KCNN2: variants seen among roughly 807,000 people sequenced by gnomAD.
KCNN2 encodes potassium calcium-activated channel subfamily N member 2, also known as small conductance calcium-activated potassium channel protein 2.
A neutral mutation model predicts 55.5 loss-of-function variants in KCNN2; 24 were observed. That is an observed-to-expected ratio of 0.43 (90% CI 0.31 to 0.61). KCNN2 has a LOEUF of 0.61. KCNN2 is among the 20% of genes least tolerant of loss of function. KCNN2 has a pLI of 0.08. For synonymous variants in KCNN2, 431 were observed against 336.1 expected, an observed-to-expected ratio of 1.28 and a Z score of -3.09; for missense variants, 754 against 853.6, an observed-to-expected ratio of 0.88 and a Z score of 1.45.
intron 1 of KCNN2, among the ~76,000 whole-genome samples, chr5:114,136,637 T>C (rs955965740): frequency 6.6e-6 from 1 of 152,162 alleles, no homozygotes; most frequent in Non-Finnish European, 1.5e-5. Flanking sequence ...ACTCTGTATA[T>C]CATTAATTTA....
chr5:114,243,244 C>G (rs559201065), intron 2 of KCNN2, among the ~76,000 whole-genome samples: 3 of 152,232 alleles, frequency 2.0e-5, no homozygotes, highest in Admixed American at 1.3e-4. Flanking sequence ...GACATTTGAT[C>G]TCAACTAACC....
At chr5:114,252,242 C>T (rs1369189369) in intron 2 of KCNN2, among the ~76,000 whole-genome samples, 1 of 127,116 alleles carries the variant, frequency 7.9e-6, no homozygotes. Flanking sequence ...ATCTTTCTGC[C>T]CTATGTACTT....
chr5:114,341,280 G>C (rs1757010471), intron 2 of KCNN2, among the ~76,000 whole-genome samples: 1 of 152,268 alleles, frequency 6.6e-6, no homozygotes, highest in East Asian at 1.9e-4. Flanking sequence ...TGTAAAGAAG[G>C]GAAATTGGTA....
intron 2 of KCNN2, among the ~76,000 whole-genome samples, chr5:114,311,817 G>A (rs1756395281): frequency 6.6e-6 from 1 of 152,088 alleles, no homozygotes; most frequent in African/African-American, 2.4e-5. Context: ...TTCTGTATTT[G>A]AAAGATTGGA....
At chr5:114,406,934 G>T (rs1252367856) in intron 3 of KCNN2, among the ~76,000 whole-genome samples, 1 of 152,078 alleles carries the variant, frequency 6.6e-6, no homozygotes, top group African/African-American at 2.4e-5. Context: ...TAATCAGCTG[G>T]ATATAAAACT....
chr5:114,344,933 TATGC>T (rs1561579024), intron 2 of KCNN2, among the ~76,000 whole-genome samples: 1 of 152,204 alleles, frequency 6.6e-6, no homozygotes, highest in Non-Finnish European at 1.5e-5. Flanking sequence ...AGACAATACA[TATGC>T]ACTTATATTT....
intron 2 of KCNN2, among the ~76,000 whole-genome samples, chr5:114,266,451 A>G (rs1288845263): frequency 7.2e-5 from 11 of 152,298 alleles, no homozygotes; most frequent in Admixed American, 6.5e-4. Flanking sequence ...TTGTCAGGAC[A>G]AGCTGCTTGG....
chr5:114,483,396 T>C (rs1009329775), intron 5 of KCNN2, among the ~76,000 whole-genome samples: 8 of 151,212 alleles, frequency 5.3e-5, no homozygotes, highest in Non-Finnish European at 1.0e-4. Context: ...TGCCTCAGCT[T>C]CCCAAGTAGC....
chr5:114,243,327 C>A (rs1258921954), intron 2 of KCNN2, among the ~76,000 whole-genome samples: 3 of 152,164 alleles, frequency 2.0e-5, no homozygotes, highest in African/African-American at 4.8e-5. Flanking sequence ...TCTGTAGTTT[C>A]AGTTACTCGT....
intron 1 of KCNN2, among the ~76,000 whole-genome samples, chr5:114,192,236 C>A (rs1057012238): frequency 6.6e-6 from 1 of 152,092 alleles, no homozygotes; most frequent in East Asian, 1.9e-4. Context: ...GAGGGCTTAC[C>A]CACATCACGT....
intron 2 of KCNN2, among the ~76,000 whole-genome samples, chr5:114,322,576 TAC>T (rs113249707): frequency 0.16 from 23,494 of 148,590 alleles, 3,213 homozygotes; most frequent in East Asian, 0.79. Context: ...CACTCCCCCA[TAC>T]ACACACACAC....
chr5:114,458,516 G>C (rs1761035851), intron 3 of KCNN2, among the ~76,000 whole-genome samples: 1 of 152,170 alleles, frequency 6.6e-6, no homozygotes, highest in Admixed American at 6.5e-5. Flanking sequence ...TTGAGGACAT[G>C]TTTCCCTTTG....
chr5:114,103,603 A>C (rs370195050), intron 1 of KCNN2, among the ~76,000 whole-genome samples: 2 of 152,110 alleles, frequency 1.3e-5, no homozygotes, highest in South Asian at 2.1e-4. Context: ...CATTTTATCA[A>C]TGCCTAGTTT....
At chr5:114,437,061 GTGTGTATGCGTGCATGCATGCA>G (rs1760031837) in intron 3 of KCNN2, among the ~76,000 whole-genome samples, 2 of 152,020 alleles carry the variant, frequency 1.3e-5, no homozygotes, top group Admixed American at 6.6e-5. Context: ...GTGTTTGTGT[GTGTGTATGCGTGCATGCATGCA>G]TGTGTTGCAA....
At chr5:114,328,919 T>C (rs1311249842) in intron 2 of KCNN2, among the ~76,000 whole-genome samples, 6 of 152,158 alleles carry the variant, frequency 3.9e-5, no homozygotes, top group Admixed American at 2.6e-4. Flanking sequence ...AAAGTGTGTA[T>C]AGTGTGTATT....
intron 3 of KCNN2, among the ~76,000 whole-genome samples, chr5:114,422,622 G>A (rs1289472756): frequency 6.6e-6 from 1 of 152,156 alleles, no homozygotes; most frequent in Non-Finnish European, 1.5e-5. Context: ...GATTACAAAT[G>A]GCTAGGCATT....
chr5:114,143,488 C>T (rs1413569577), intron 1 of KCNN2, among the ~76,000 whole-genome samples: 3 of 152,078 alleles, frequency 2.0e-5, no homozygotes, highest in African/African-American at 7.2e-5. Flanking sequence ...CCTAAAAGAG[C>T]CATGGCAAAA....
intron 1 of KCNN2, among the ~76,000 whole-genome samples, chr5:114,196,810 T>C (rs1753566983): frequency 6.6e-6 from 1 of 152,056 alleles, no homozygotes; most frequent in East Asian, 1.9e-4. Context: ...TTATTGGTGT[T>C]CTCTATTGCA....
rs569310374 is a variant in KCNN2 at position 114,362,696 on chromosome 5, A to G, written c.557A>G (p.His186Arg). ...LGSGPPLSHHHHHPHPAHHQH... is the reference protein window; with the variant it reads ...LGSGPPLSHHRHHPHPAHHQH... Reference sequence around the variant, plus strand: ...TCCGGGCCCCCGCTCTCGCACCACCACCACCACCCGCACCCGGCGCACCAC... The same window carrying G: ...TCCGGGCCCCCGCTCTCGCACCACCGCCACCACCCGCACCCGGCGCACCAC... Residue 186 changes from histidine (H) to arginine (R), a missense_variant, in exon 1 of 8, where the codon CAC (histidine) becomes CGC (arginine). Around this residue, in one of 4 missense-constraint regions of KCNN2, gnomAD observed 381 missense variants for 259.1 expected, o/e 1.47. Coordinates refer to ENST00000673685, the MANE Select transcript of KCNN2 (RefSeq NM_021614.4). The G allele has an allele frequency of 9.5e-6, 14 of 1,476,072 alleles. No homozygotes were observed. In the East Asian group the frequency reaches 2.9e-4, roughly 30 times the overall value. The allele number at this position is 1,476,072 out of a possible 1,614,324, so 91.4% of individuals were successfully genotyped here.
Sources: gnomAD v4.1 joint callset for allele counts (sites outside exome capture counted in the v4.1 genomes callset) on GRCh38, gnomAD v4.1.1 for gene constraint, gnomAD v4.1.1 regional missense constraint, MANE v1.5 for transcripts, NCBI Gene and HGNC (gene_info 2026-07-23, HGNC 2026-07-21) for gene names.